Variants in NEDD9 observed in about 807,000 individuals in gnomAD.
NEDD9 encodes enhancer of filamentation 1.
Under a neutral mutation model 76.6 loss-of-function variants are expected in NEDD9, and 26 were observed. The ratio of observed to expected loss-of-function variants is 0.34; its 90% confidence interval spans 0.25 to 0.47. The LOEUF is 0.47. Ranked by LOEUF, NEDD9 falls within the 20% of genes least tolerant of loss-of-function variation. NEDD9 has a pLI of 1.00. For synonymous variants in NEDD9, 392 were observed against 414.2 expected (o/e 0.95, Z 0.65); for missense variants, 937 against 1,058.5 (o/e 0.89, Z 1.59).
intron 1 of NEDD9, among the ~76,000 whole-genome samples, chr6:11,378,569 G>A (rs1186378381): frequency 2.0e-5 from 3 of 152,060 alleles, no homozygotes; most frequent in African/African-American, 7.2e-5. Flanking sequence ...GGTAACAGGT[G>A]GATGTGTATT....
intron 2 of NEDD9, among the ~76,000 whole-genome samples, chr6:11,331,659 C>T (rs1482506354): frequency 6.6e-6 from 1 of 152,158 alleles, no homozygotes; most frequent in South Asian, 2.1e-4. Flanking sequence ...CTTCCAAAAA[C>T]GACCCCTTGC....
chr6:11,301,052 G>A (rs56172258), intron 3 of NEDD9, among the ~76,000 whole-genome samples: 18,208 of 152,182 alleles, frequency 0.12, 1,237 homozygotes, highest in Admixed American at 0.18. Context: ...AAATGCCCCA[G>A]TTAAAAGTCA....
Position 11,333,079 on chromosome 6 carries a change from G to C in NEDD9, c.-153+1422C>G, listed in dbSNP as rs1309142450. Among the ~76,000 whole-genome samples, 4 of 147,394 alleles carry C rather than the reference G, an allele frequency of 2.7e-5. No homozygotes were observed. In the East Asian group the frequency reaches 6.2e-4, roughly 23 times the overall value. On this transcript the variant is annotated intron_variant, in intron 2 of 3. Transcript: ENST00000397378. ...GGAAGGAAGGGAGGGAGGGAGGGAG[G>C]GAGGGAGGGAAGGAAGGAAGGACAA...
intron 1 of NEDD9, among the ~76,000 whole-genome samples, chr6:11,354,081 A>G (rs1027528350): frequency 1.3e-5 from 2 of 152,260 alleles, no homozygotes; most frequent in African/African-American, 4.8e-5. Flanking sequence ...GACTGAAAGA[A>G]TAAAGCAAGC....
intron 1 of NEDD9, among the ~76,000 whole-genome samples, chr6:11,218,107 A>C (rs1759009344): frequency 6.6e-6 from 1 of 152,256 alleles, no homozygotes. Flanking sequence ...CTAAAGCCAT[A>C]GTCTTCGCTG....
At chr6:11,346,690 G>T (rs1582041596) in intron 1 of NEDD9, among the ~76,000 whole-genome samples, 1 of 152,308 alleles carries the variant, frequency 6.6e-6, no homozygotes, top group African/African-American at 2.4e-5. Flanking sequence ...CTGACTGCTG[G>T]TTGAGCAGCC....
intron 2 of NEDD9, among the ~76,000 whole-genome samples, chr6:11,212,496 ATATAT>A (rs1222575171): frequency 6.6e-6 from 1 of 152,246 alleles, no homozygotes; most frequent in Non-Finnish European, 1.5e-5. Flanking sequence ...AGCATCAAAA[ATATAT>A]TAGATGCTCA....
intron 1 of NEDD9, among the ~76,000 whole-genome samples, chr6:11,366,430 G>T (rs1025897096): frequency 2.0e-5 from 3 of 150,962 alleles, no homozygotes; most frequent in Non-Finnish European, 3.0e-5. Flanking sequence ...AAAAAGAAAG[G>T]AAGAAAGAAA....
At chr6:11,215,723 C>G (rs2113763088) in intron 1 of NEDD9, among the ~76,000 whole-genome samples, 1 of 152,250 alleles carries the variant, frequency 6.6e-6, no homozygotes, top group East Asian at 1.9e-4. Context: ...TCGGGAAGCC[C>G]CCACATGAAA....
chr6:11,206,420 A>G (rs957350846), intron 2 of NEDD9, among the ~76,000 whole-genome samples: 5 of 152,220 alleles, frequency 3.3e-5, no homozygotes, highest in African/African-American at 9.7e-5. Context: ...ACTCCATCTC[A>G]AAAATAAAAA....
chr6:11,336,381 G>T (rs769401635), intron 1 of NEDD9, among the ~76,000 whole-genome samples: 2 of 152,188 alleles, frequency 1.3e-5, no homozygotes, highest in Non-Finnish European at 2.9e-5. Flanking sequence ...CTAGCCTATT[G>T]CTCCTAGGCT....
chr6:11,296,670 CT>C (rs1230900014), intron 3 of NEDD9, among the ~76,000 whole-genome samples: 4 of 104,032 alleles, frequency 3.8e-5, no homozygotes, highest in East Asian at 7.9e-4. Context: ...CTTTCCTTTC[CT>C]TTCCTTTCCC....
intron 1 of NEDD9, 119 bp downstream of exon 1, chr6:11,232,385 C>T (rs917003327): frequency 7.8e-7 from 1 of 1,273,996 alleles, no homozygotes; most frequent in Non-Finnish European, 1.1e-6. Context: ...GACCGAGACT[C>T]ATCTTAGAAC....
At chr6:11,293,629 T>A (rs1324872218) in intron 3 of NEDD9, among the ~76,000 whole-genome samples, 1 of 152,206 alleles carries the variant, frequency 6.6e-6, no homozygotes, top group Non-Finnish European at 1.5e-5. Flanking sequence ...TATGTGTGTG[T>A]GTGTGCGTGT....
rs1306246243 is a variant in NEDD9, at chr6:11,184,950, T to C, written c.*212A>G. On this transcript the variant is annotated 3_prime_UTR_variant, in exon 7 of 7. Coordinates refer to ENST00000379446, the MANE Select transcript of NEDD9 (RefSeq NM_006403.4). Reference sequence around the variant, plus strand: ...GTACAGTTTATGTCTCAGATACTTCTATGTATACATAAGAACCACTCAGGG... The same window carrying C: ...GTACAGTTTATGTCTCAGATACTTCCATGTATACATAAGAACCACTCAGGG... 14 of 550,108 alleles carry C rather than the reference T, an allele frequency of 2.5e-5. No homozygotes were observed. The East Asian group carries it at 4.4e-4, about 17-fold the overall frequency. 34.1% of individuals were successfully genotyped at this position (550,108 alleles called of 1,614,324 possible).
At chr6:11,208,468 G>C (rs1219756721) in intron 2 of NEDD9, among the ~76,000 whole-genome samples, 1 of 152,220 alleles carries the variant, frequency 6.6e-6, no homozygotes, top group African/African-American at 2.4e-5. Context: ...GAGCAGCAGC[G>C]TGTGAGGGTG....
chr6:11,221,979 G>T (rs1429479044), intron 1 of NEDD9, among the ~76,000 whole-genome samples: 1 of 152,140 alleles, frequency 6.6e-6, no homozygotes, highest in Non-Finnish European at 1.5e-5. Context: ...GGTACTCAGG[G>T]AAGAGAAATA....
chr6:11,244,782 A>G (rs1408094654), intron 3 of NEDD9, among the ~76,000 whole-genome samples: 2 of 152,200 alleles, frequency 1.3e-5, no homozygotes, highest in Non-Finnish European at 2.9e-5. Context: ...CAATAGCAAG[A>G]GAGAATGAGT....
chr6:11,236,449 G>T (rs139485168), upstream of NEDD9, among the ~76,000 whole-genome samples: 78 of 152,366 alleles, frequency 5.1e-4, no homozygotes, highest in African/African-American at 1.9e-3. This position sits in a 1 kb window ranked among gnomAD's most constrained non-coding sequence, Gnocchi z 5.5. Context: ...CTAGAAAGAA[G>T]AAATACTTCT....
Sources: allele counts gnomAD v4.1 joint callset (sites outside exome capture counted in the v4.1 genomes callset), GRCh38; gene constraint gnomAD v4.1.1; non-coding constraint Gnocchi (gnomAD v3.1); transcripts MANE v1.5; gene names NCBI Gene and HGNC (gene_info 2026-07-23, HGNC 2026-07-21).